The following GLRA3 variants were observed in gnomAD, a reference collection of about 807,000 sequenced individuals.
The protein encoded by GLRA3 is glycine receptor subunit alpha-3.
GLRA3 carries 44 observed loss-of-function variants against 60.4 expected under a neutral mutation model. That is an observed-to-expected ratio of 0.73 (90% CI 0.57 to 0.94). GLRA3 has a LOEUF of 0.94. Ranked by LOEUF, GLRA3 falls within the 40% of genes least tolerant of loss-of-function variation. The pLI, the probability that GLRA3 is intolerant of heterozygous loss-of-function variation, is 0.00. For missense variants in GLRA3, 508 were observed against 564.6 expected, an observed-to-expected ratio of 0.90 and a Z score of 1.02; for synonymous variants, 223 against 192.9, an observed-to-expected ratio of 1.16 and a Z score of -1.29.
chr4:174,805,093 A>G (rs978518233), intron 1 of GLRA3, among the ~76,000 whole-genome samples: 2 of 151,898 alleles, frequency 1.3e-5, no homozygotes, highest in Non-Finnish European at 2.9e-5. Flanking sequence ...TTGCAGTTCG[A>G]TTTTTCAGGC....
chr4:174,726,179 A>G (rs1353814660), intron 4 of GLRA3, among the ~76,000 whole-genome samples: 1 of 152,216 alleles, frequency 6.6e-6, no homozygotes, highest in Non-Finnish European at 1.5e-5. Context: ...AAACCACCTC[A>G]GCAGAGAGGG....
intron 4 of GLRA3, among the ~76,000 whole-genome samples, chr4:174,727,526 G>C (rs946897897): frequency 6.6e-6 from 1 of 152,134 alleles, no homozygotes; most frequent in Non-Finnish European, 1.5e-5. Flanking sequence ...TCTTCTAAGA[G>C]ACATGACATG....
Position 174,725,563 on chromosome 4 carries a change from C to T in GLRA3, c.491+2912G>A, listed in dbSNP as rs536594589. Among the ~76,000 whole-genome samples, 8 of 152,246 alleles carry T rather than the reference C, an allele frequency of 5.3e-5. No individual in the cohort carries two copies. In the East Asian group the frequency reaches 1.2e-3, roughly 22 times the overall value. On this transcript the variant is annotated intron_variant, in intron 4 of 9. Coordinates refer to ENST00000274093, the MANE Select transcript of GLRA3 (RefSeq NM_006529.4). The stretch of plus-strand genomic sequence containing the variant: ...TGGTGCGATCTGGGCTCACTGCAAC[C>T]GCTGCCTCTTAGGCTCAAGAGATCC...
At chr4:174,783,689 C>T (rs1346928604) in intron 2 of GLRA3, among the ~76,000 whole-genome samples, 6 of 147,490 alleles carry the variant, frequency 4.1e-5, no homozygotes, top group Non-Finnish European at 6.1e-5. Context: ...CAAAAGAAGA[C>T]ATTTATGCAG....
chr4:174,672,298 G>C (rs1030088386), intron 7 of GLRA3, among the ~76,000 whole-genome samples: 9 of 152,060 alleles, frequency 5.9e-5, no homozygotes, highest in South Asian at 4.2e-4. Flanking sequence ...TTACTGACAA[G>C]CCAGAGCGTG....
At chr4:174,668,896 T>C (rs1733791488) in intron 7 of GLRA3, among the ~76,000 whole-genome samples, 1 of 152,108 alleles carries the variant, frequency 6.6e-6, no homozygotes, top group East Asian at 1.9e-4. Flanking sequence ...TTGAATAGGG[T>C]AATTGGTTCT....
chr4:174,646,488 T>A (rs4695938), intron 9 of GLRA3, among the ~76,000 whole-genome samples: 81,650 of 151,942 alleles, frequency 0.54, 23,432 homozygotes, highest in African/African-American at 0.74. Flanking sequence ...AGTCGGCCTT[T>A]TTTACTGTGA....
At chr4:174,647,097 T>C (rs1408666157) in intron 9 of GLRA3, among the ~76,000 whole-genome samples, 1 of 152,202 alleles carries the variant, frequency 6.6e-6, no homozygotes, top group African/African-American at 2.4e-5. Context: ...AGACAGTTAA[T>C]TCCTTGTTTC....
chr4:174,825,683 C>A (rs1740936756), intron 1 of GLRA3, among the ~76,000 whole-genome samples: 1 of 151,782 alleles, frequency 6.6e-6, no homozygotes, highest in African/African-American at 2.4e-5. Flanking sequence ...ATCCAAAAGC[C>A]ATAGAAAAAT....
intron 5 of GLRA3, among the ~76,000 whole-genome samples, chr4:174,700,283 A>G (rs1391003164): frequency 6.6e-6 from 1 of 152,068 alleles, no homozygotes; most frequent in African/African-American, 2.4e-5. Flanking sequence ...ATTTGTGGCA[A>G]CCCTATATTA....
chr4:174,696,487 TATA>T (rs1010086873), intron 5 of GLRA3, among the ~76,000 whole-genome samples: 9 of 148,742 alleles, frequency 6.1e-5, no homozygotes, highest in East Asian at 1.9e-4. Context: ...TTTAATATAA[TATA>T]ATAATATTAT....
chr4:174,799,615 A>G (rs1739726408), intron 1 of GLRA3, among the ~76,000 whole-genome samples: 1 of 152,240 alleles, frequency 6.6e-6, no homozygotes, highest in African/African-American at 2.4e-5. Context: ...TAAGAATTCA[A>G]CTTTAGTAAG....
chr4:174,803,427 T>C (rs1739902614), intron 1 of GLRA3, among the ~76,000 whole-genome samples: 1 of 152,142 alleles, frequency 6.6e-6, no homozygotes, highest in South Asian at 2.1e-4. Context: ...TATTAGCTCC[T>C]ACTGTGTCAT....
chr4:174,740,704 G>A (rs1170659674), intron 3 of GLRA3, among the ~76,000 whole-genome samples: 2 of 152,190 alleles, frequency 1.3e-5, no homozygotes, highest in Non-Finnish European at 2.9e-5. Flanking sequence ...ACCATCACAG[G>A]CAGGTTACAG....
At chr4:174,743,960 G>C (rs1737127691) in intron 3 of GLRA3, among the ~76,000 whole-genome samples, 1 of 152,190 alleles carries the variant, frequency 6.6e-6, no homozygotes, top group South Asian at 2.1e-4. Flanking sequence ...TGCCATTGTA[G>C]GCTGGGACAG....
intron 2 of GLRA3, among the ~76,000 whole-genome samples, chr4:174,786,428 C>A (rs1323642591): frequency 6.6e-6 from 1 of 152,124 alleles, no homozygotes; most frequent in African/African-American, 2.4e-5. Context: ...CATGACGACA[C>A]AAGGGCTGAT....
intron 7 of GLRA3, among the ~76,000 whole-genome samples, chr4:174,674,442 A>G (rs1734034120): frequency 6.6e-6 from 1 of 152,194 alleles, no homozygotes; most frequent in Admixed American, 6.6e-5. Context: ...TTGCTTTGAG[A>G]GACTACATGC....
At chr4:174,822,798 C>T (rs1406920798) in intron 1 of GLRA3, among the ~76,000 whole-genome samples, 4 of 152,176 alleles carry the variant, frequency 2.6e-5, no homozygotes, top group African/African-American at 7.2e-5. Flanking sequence ...TTTCCAGAGA[C>T]CTTTAAATTG....
intron 9 of GLRA3, among the ~76,000 whole-genome samples, chr4:174,653,960 A>G (rs1733108398): frequency 6.6e-6 from 1 of 152,110 alleles, no homozygotes; most frequent in South Asian, 2.1e-4. Flanking sequence ...AAGTCTTGCA[A>G]TTTTTGTCTT....
Sources: allele counts gnomAD v4.1 joint callset (sites outside exome capture counted in the v4.1 genomes callset), GRCh38; gene constraint gnomAD v4.1.1; transcripts MANE v1.5; gene names NCBI Gene and HGNC (gene_info 2026-07-23, HGNC 2026-07-21).